The following TENM3 variants were observed in gnomAD, a reference collection of about 807,000 sequenced individuals.
The protein encoded by TENM3 is teneurin-3.
Under a neutral mutation model 255.1 loss-of-function variants are expected in TENM3, and 63 were observed. The observed-to-expected ratio is 0.25, with a 90% CI of 0.20 to 0.30. The LOEUF is 0.30. Among genes scored for constraint, TENM3 ranks in the 10% least tolerant of loss-of-function variants. TENM3 has a pLI of 1.00. For missense variants in TENM3, 2,929 were observed against 3,461.1 expected (o/e 0.85, Z 3.86); for synonymous variants, 1,306 against 1,322.3 (o/e 0.99, Z 0.27).
chr4:182,085,201 G>A, the TENM3 span: 1 of 152,182 alleles, frequency 6.6e-6, no homozygotes. Flanking sequence ...TAAGAGGCCA[G>A]GGGTGAGCAC....
At chr4:182,330,673 C>T (rs1207280210) in intron 2 of TENM3, among the ~76,000 whole-genome samples, 1 of 152,220 alleles carries the variant, frequency 6.6e-6, no homozygotes, top group Non-Finnish European at 1.5e-5. Context: ...TGTACACACA[C>T]CGTCTAAGGA....
intron 7 of TENM3, among the ~76,000 whole-genome samples, chr4:182,678,754 A>T (rs1337349177): frequency 1.4e-5 from 2 of 144,174 alleles, no homozygotes. Context: ...CATGAATGTT[A>T]AATCAGAGAA....
the TENM3 span, among the ~76,000 whole-genome samples, chr4:181,723,969 G>C: frequency 6.6e-6 from 1 of 152,144 alleles, no homozygotes; most frequent in Non-Finnish European, 1.5e-5. Flanking sequence ...GGAGGTATTT[G>C]TTTACATTTC....
chr4:181,486,019 A>G, the TENM3 span, among the ~76,000 whole-genome samples: 1 of 151,536 alleles, frequency 6.6e-6, no homozygotes, highest in Non-Finnish European at 1.5e-5. Context: ...ACTTGAGAGA[A>G]AAAAAAAACC....
At chr4:181,720,319 TA>T in the TENM3 span, among the ~76,000 whole-genome samples, 1 of 152,226 alleles carries the variant, frequency 6.6e-6, no homozygotes, top group Admixed American at 6.5e-5. Context: ...ATTAATATTC[TA>T]AGCCAATATT....
At chr4:181,610,357 G>T in the TENM3 span, among the ~76,000 whole-genome samples, 1 of 152,158 alleles carries the variant, frequency 6.6e-6, no homozygotes, top group Non-Finnish European at 1.5e-5. Context: ...ATAGCACAAA[G>T]GTGCCATTAA....
chr4:182,732,952 G>A (rs193225838), intron 16 of TENM3, among the ~76,000 whole-genome samples: 9 of 152,292 alleles, frequency 5.9e-5, no homozygotes, highest in Non-Finnish European at 1.0e-4. Flanking sequence ...TTGAAAACCC[G>A]TTCTGTAGCA....
intron 1 of TENM3, among the ~76,000 whole-genome samples, chr4:182,164,246 G>A (rs953379021): frequency 6.6e-6 from 1 of 152,078 alleles, no homozygotes; most frequent in Non-Finnish European, 1.5e-5. Context: ...ATCTTTTCCT[G>A]CAAACCTCAT....
chr4:182,186,234 A>T (rs1753141892), intron 1 of TENM3, among the ~76,000 whole-genome samples: 1 of 152,228 alleles, frequency 6.6e-6, no homozygotes, highest in African/African-American at 2.4e-5. Context: ...GAGATGAAAC[A>T]TACTCATATT....
At chr4:181,730,094 A>C in the TENM3 span, among the ~76,000 whole-genome samples, 3 of 152,258 alleles carry the variant, frequency 2.0e-5, no homozygotes, top group South Asian at 6.2e-4. Context: ...CTCGTATCAC[A>C]CAATAGTCAT....
At chr4:182,412,229 A>G (rs1298107539) in intron 3 of TENM3, among the ~76,000 whole-genome samples, 5 of 152,092 alleles carry the variant, frequency 3.3e-5, no homozygotes, top group African/African-American at 1.2e-4. Context: ...AGACTTGGAG[A>G]CTGGATGTGT....
chr4:181,719,556 T>C, the TENM3 span, among the ~76,000 whole-genome samples: 2 of 152,140 alleles, frequency 1.3e-5, no homozygotes, highest in Admixed American at 6.5e-5. Flanking sequence ...GCAAAAGGGC[T>C]CCTTGCGGCC....
chr4:182,376,009 T>G (rs1249078684), intron 3 of TENM3, among the ~76,000 whole-genome samples: 1 of 140,836 alleles, frequency 7.1e-6, no homozygotes, highest in East Asian at 1.9e-4. Flanking sequence ...CCTAAATGAT[T>G]TATACACTTG....
At position 182,653,855 on chromosome 4, in the gene TENM3, T is replaced by A. The variant is rs767549290; in HGVS notation, c.1073T>A (p.Met358Lys). ...FENGKVNSDT[M>K]PTNTVSLPSG... ...AATGGAAAAGTGAATTCTGATACCATGCCAACAAACACTGTGTCATTACCT... is the reference window on the plus strand; with the variant it reads ...AATGGAAAAGTGAATTCTGATACCAAGCCAACAAACACTGTGTCATTACCT... The change falls in exon 6 of 28, where the codon ATG (methionine) becomes AAG (lysine). Residue 358 changes from methionine to lysine, a missense_variant. Transcript: ENST00000511685. The A allele has an allele frequency of 1.3e-5, 21 of 1,613,218 alleles. No individual in the cohort carries two copies. Among genetic ancestry groups the A allele is most frequent in the Non-Finnish European group, 1.7e-6 (2 of 1,179,556 alleles).
At chr4:182,494,156 T>C (rs1735546268) in intron 3 of TENM3, among the ~76,000 whole-genome samples, 1 of 152,046 alleles carries the variant, frequency 6.6e-6, no homozygotes, top group South Asian at 2.1e-4. Context: ...TTTTCTTGAG[T>C]GTGTTAAGCA....
the TENM3 span, among the ~76,000 whole-genome samples, chr4:182,138,199 T>C: frequency 6.6e-6 from 1 of 152,218 alleles, no homozygotes; most frequent in Non-Finnish European, 1.5e-5. Flanking sequence ...TATGGGCAAT[T>C]TGCATTTAAA....
intron 3 of TENM3, among the ~76,000 whole-genome samples, chr4:182,553,175 G>A (rs1742229626): frequency 6.6e-6 from 1 of 152,178 alleles, no homozygotes; most frequent in Non-Finnish European, 1.5e-5. Flanking sequence ...GCACACTGCA[G>A]CCTCGAGCAT....
At chr4:181,918,789 G>C in the TENM3 span, among the ~76,000 whole-genome samples, 1 of 152,010 alleles carries the variant, frequency 6.6e-6, no homozygotes, top group Non-Finnish European at 1.5e-5. Flanking sequence ...CTCTGTCCCT[G>C]AAGGTATATA....
intron 5 of TENM3, among the ~76,000 whole-genome samples, chr4:182,647,397 C>G (rs1410801060): frequency 6.6e-6 from 1 of 152,186 alleles, no homozygotes; most frequent in Non-Finnish European, 1.5e-5. Context: ...CTCCCAAACC[C>G]TGGTCATCAC....
Sources: allele counts gnomAD v4.1 joint callset (sites outside exome capture counted in the v4.1 genomes callset), GRCh38; gene constraint gnomAD v4.1.1; transcripts MANE v1.5; gene names NCBI Gene and HGNC (gene_info 2026-07-23, HGNC 2026-07-21).